The following BLTP1 variants were observed in gnomAD, a reference collection of about 807,000 sequenced individuals.
BLTP1 encodes the protein fragile site-associated protein.
the BLTP1 span, among the ~76,000 whole-genome samples, chr4:122,278,123 C>A: frequency 6.6e-6 from 1 of 152,110 alleles, no homozygotes; most frequent in Middle Eastern, 3.4e-3. Context: ...CGTTTCAGTT[C>A]ATTCAGTTAC....
the BLTP1 span, chr4:122,262,635 A>G: frequency 1.9e-6 from 2 of 1,074,846 alleles, no homozygotes; most frequent in South Asian, 1.8e-5. Flanking sequence ...CCTAGTATAC[A>G]TGATCAGTTT....
the BLTP1 span, among the ~76,000 whole-genome samples, chr4:122,334,961 G>T: frequency 1.3e-5 from 2 of 151,982 alleles, no homozygotes; most frequent in Admixed American, 1.3e-4. Flanking sequence ...TCAACCACAG[G>T]TTCTGCTGAT....
chr4:122,162,762 G>C, the BLTP1 span: 1 of 547,170 alleles, frequency 1.8e-6, no homozygotes, highest in Middle Eastern at 9.9e-4. Context: ...GTAATAAGAA[G>C]AAAAAGGATG....
At chr4:122,168,255 C>G in the BLTP1 span, among the ~76,000 whole-genome samples, 1 of 152,122 alleles carries the variant, frequency 6.6e-6, no homozygotes, top group Non-Finnish European at 1.5e-5. Flanking sequence ...TTCCCACATT[C>G]TTTTTCACTA....
the BLTP1 span, chr4:122,336,307 A>G: frequency 1.2e-6 from 2 of 1,612,188 alleles, no homozygotes; most frequent in Non-Finnish European, 1.7e-6. Flanking sequence ...TTCTGGAAAA[A>G]GCTCTGGAAA....
chr4:122,271,073 A>G, the BLTP1 span: 2 of 1,613,720 alleles, frequency 1.2e-6, no homozygotes, highest in Non-Finnish European at 1.7e-6. Context: ...AATGTTGGGA[A>G]CCTTTAGCAT....
At chr4:122,200,583 C>CAAAAAAAAAAAAA in the BLTP1 span, 25 of 901,406 alleles carry the variant, frequency 2.8e-5, no homozygotes, top group Middle Eastern at 5.9e-4. Flanking sequence ...CGTCTCAAAA[C>CAAAAAAAAAAAAA]AAAAAAAAAA....
chr4:122,227,380 G>A, the BLTP1 span: 1 of 984,780 alleles, frequency 1.0e-6, no homozygotes, highest in African/African-American at 1.7e-5. Flanking sequence ...AAAACCATGT[G>A]CAGTGGCAAT....
the BLTP1 span, among the ~76,000 whole-genome samples, chr4:122,163,686 C>T: frequency 1.3e-5 from 2 of 152,286 alleles, no homozygotes; most frequent in African/African-American, 4.8e-5. Context: ...CTATTAGTGT[C>T]CTCACTTTAC....
the BLTP1 span, among the ~76,000 whole-genome samples, chr4:122,309,714 T>G: frequency 2.0e-5 from 3 of 152,092 alleles, no homozygotes; most frequent in Non-Finnish European, 4.4e-5. Flanking sequence ...TCCCTGATTT[T>G]TCCTGTAATT....
the BLTP1 span, chr4:122,238,494 G>T: frequency 1.6e-6 from 1 of 641,288 alleles, no homozygotes. Flanking sequence ...TGAAATGTCA[G>T]TTTGCTGTTG....
chr4:122,353,220 G>T, the BLTP1 span: 6 of 1,566,074 alleles, frequency 3.8e-6, no homozygotes, highest in South Asian at 1.2e-5. This position sits in a 1 kb window ranked among gnomAD's most constrained non-coding sequence, Gnocchi z 4.3. Context: ...AATGACAATT[G>T]TATTTCTGAA....
the BLTP1 span, chr4:122,272,092 T>C: frequency 3.2e-6 from 5 of 1,539,870 alleles, no homozygotes; most frequent in Non-Finnish European, 4.4e-6. Context: ...GGTAAGACAA[T>C]GTTTGGAATG....
At chr4:122,187,531 A>G in the BLTP1 span, 7 of 1,605,142 alleles carry the variant, frequency 4.4e-6, no homozygotes, top group Non-Finnish European at 6.0e-6. Context: ...ATTCTGCTAC[A>G]ATTACTGTTT....
chr4:122,334,294 T>G, the BLTP1 span: 3 of 1,373,186 alleles, frequency 2.2e-6, no homozygotes, highest in Non-Finnish European at 3.1e-6. Flanking sequence ...TTTCTTGATT[T>G]TCCTCATCTT....
the BLTP1 span, chr4:122,328,159 A>G: frequency 6.2e-7 from 1 of 1,610,592 alleles, no homozygotes; most frequent in South Asian, 1.1e-5. Flanking sequence ...GGTCCATCCC[A>G]TTATTCATCA....
the BLTP1 span, chr4:122,154,002 AG>A: frequency 1.0e-6 from 1 of 985,016 alleles, no homozygotes; most frequent in Non-Finnish European, 1.2e-6. Context: ...TTGTATAATT[AG>A]TTAAAATGCC....
chr4:122,209,712 C>A, the BLTP1 span: 6 of 1,391,224 alleles, frequency 4.3e-6, no homozygotes, highest in Non-Finnish European at 5.8e-6. Context: ...TGGAGAAATT[C>A]TTCTTTCAAA....
the BLTP1 span, chr4:122,336,016 T>C: frequency 6.1e-6 from 3 of 495,102 alleles, no homozygotes; most frequent in Non-Finnish European, 1.1e-5. Context: ...ATGTTATTAA[T>C]CGCCTCTGTA....
Sources: allele counts gnomAD v4.1 joint callset (sites outside exome capture counted in the v4.1 genomes callset), GRCh38; gene constraint gnomAD v4.1.1; non-coding constraint Gnocchi (gnomAD v3.1); transcripts MANE v1.5; gene names NCBI Gene and HGNC (gene_info 2026-07-23, HGNC 2026-07-21).